SH3BP4: variants seen among roughly 807,000 people sequenced by gnomAD.
SH3BP4 encodes SH3 domain-binding protein 4.
Under a neutral mutation model 65.5 loss-of-function variants are expected in SH3BP4, and 33 were observed. That is an observed-to-expected ratio of 0.50 (90% CI 0.38 to 0.67). The LOEUF (loss-of-function observed/expected upper bound fraction) is 0.67, where lower values mean the gene tolerates loss of function less well. Among genes scored for constraint, SH3BP4 ranks in the 30% least tolerant of loss-of-function variants. The probability of loss-of-function intolerance (pLI) is 0.00; values close to 1 mark genes in which losing one functional copy is unlikely to be tolerated. For missense variants in SH3BP4, 1,134 were observed against 1,261.4 expected (o/e 0.90, Z 1.53); for synonymous variants, 552 against 545.5 (o/e 1.01, Z -0.17).
intron 2 of SH3BP4, among the ~76,000 whole-genome samples, chr2:235,022,544 TA>T (rs1694876375): frequency 6.6e-6 from 1 of 152,080 alleles, no homozygotes; most frequent in African/African-American, 2.4e-5. Context: ...TAGTAGTTGA[TA>T]CTTGAACTAT....
intron 2 of SH3BP4, among the ~76,000 whole-genome samples, chr2:235,010,984 C>G (rs1279171130): frequency 6.7e-6 from 1 of 148,644 alleles, no homozygotes; most frequent in South Asian, 2.2e-4. Flanking sequence ...TAGGAGAACC[C>G]TTCCTGTCTC....
intron 2 of SH3BP4, among the ~76,000 whole-genome samples, chr2:235,004,944 C>T (rs1368946053): frequency 2.6e-5 from 4 of 152,168 alleles, no homozygotes; most frequent in African/African-American, 9.7e-5. Flanking sequence ...CATGCCTATC[C>T]CCAGGATTTT....
intron 2 of SH3BP4, among the ~76,000 whole-genome samples, chr2:235,002,858 A>G (rs1309193505): frequency 6.6e-6 from 1 of 152,244 alleles, no homozygotes; most frequent in East Asian, 1.9e-4. Flanking sequence ...GGAAGGCCAC[A>G]CAAGATTCTA....
At chr2:234,972,004 A>G (rs533591533) in intron 1 of SH3BP4, among the ~76,000 whole-genome samples, 1 of 151,188 alleles carries the variant, frequency 6.6e-6, no homozygotes, top group Non-Finnish European at 1.5e-5. Flanking sequence ...TTTAGTAGAG[A>G]CGGGGTTTCA....
At chr2:234,953,055 G>C (rs1384141521) in intron 1 of SH3BP4, 1 of 152,272 alleles carries the variant, frequency 6.6e-6, no homozygotes, top group African/African-American at 2.4e-5. Flanking sequence ...GCAGAGGGTC[G>C]TGGAGCCTGA....
intron 4 of SH3BP4, among the ~76,000 whole-genome samples, chr2:235,049,165 C>T (rs1207661710): frequency 3.3e-5 from 5 of 152,196 alleles, no homozygotes; most frequent in Non-Finnish European, 7.3e-5. Flanking sequence ...CTCCTTTCAT[C>T]TGGGATCCAT....
At chr2:235,000,936 C>G (rs1332645082) in intron 2 of SH3BP4, among the ~76,000 whole-genome samples, 1 of 152,236 alleles carries the variant, frequency 6.6e-6, no homozygotes, top group Non-Finnish European at 1.5e-5. Flanking sequence ...CTTTCCTTCC[C>G]CCAGGCAGCT....
intron 1 of SH3BP4, among the ~76,000 whole-genome samples, chr2:234,988,251 G>A (rs1020984848): frequency 1.6e-4 from 24 of 152,072 alleles, no homozygotes; most frequent in Non-Finnish European, 1.2e-4. Context: ...AGTAGAGACA[G>A]GGTTTCACCG....
Position 235,053,256 on chromosome 2 carries a change from C to T in SH3BP4, c.2668-336C>T, listed in dbSNP as rs371741624. 2.6e-5 allele frequency among the ~76,000 whole-genome samples: 4 copies of T among 152,260 alleles called. No individual in the cohort carries two copies. The East Asian group carries it at 7.7e-4, about 29-fold the overall frequency. On this transcript the variant is annotated intron_variant, in intron 5 of 5. Transcript: ENST00000392011. Reference sequence around the variant, plus strand: ...GCAAGATCCAGGAAGCAGGAAGTCCCAAGGACAAAGCTGTCTTTTATGAAT... The same window carrying T: ...GCAAGATCCAGGAAGCAGGAAGTCCTAAGGACAAAGCTGTCTTTTATGAAT...
In SH3BP4 at chr2:235,041,997, A is replaced by G. The variant is rs780057173; in HGVS notation, c.1228A>G (p.Thr410Ala). ...EIKNDLFSKS[T>A]VGLQCLRSDS... ...AAAAAATGACCTTTTTAGCAAAAGC[A>G]CAGTGGGCCTCCAGTGCCTGAGGAG... Residue 410 changes from threonine to alanine, a missense_variant, in exon 4 of 6, where the codon ACA (threonine) becomes GCA (alanine). By Grantham distance (58) the Thr-to-Ala change is moderately conservative. Coordinates refer to ENST00000392011, the MANE Select transcript of SH3BP4 (RefSeq NM_014521.3). The surrounding 1 kb of genome is among the most constrained non-coding windows in gnomAD (Gnocchi z 6.0). 2 of 1,613,840 alleles carry G rather than the reference A, an allele frequency of 1.2e-6. No individual in the cohort carries two copies. Among genetic ancestry groups the G allele is most frequent in the Non-Finnish European group, 1.7e-6 (2 of 1,179,808 alleles).
Position 235,042,608 on chromosome 2 carries a change from T to G in SH3BP4, c.1839T>G (p.Pro613=). The stretch of plus-strand genomic sequence containing the variant: ...GTGTCCAGACTCCTCAGCCACCCCC[T>G]AAAAGTGCCATCAAGCCTTCCGGGC... ...QFCVQTPQPP[P]KSAIKPSGQR... The change falls in exon 4 of 6, where the codon CCT becomes CCG. Residue 613 remains proline (P), a synonymous_variant. Transcript: ENST00000392011. This position sits in a 1 kb window ranked among gnomAD's most constrained non-coding sequence, Gnocchi z 7.3. The G allele has an allele frequency of 6.2e-7, 1 of 1,613,968 alleles. No individual in the cohort carries two copies. Among genetic ancestry groups the G allele is most frequent in the Non-Finnish European group, 8.5e-7 (1 of 1,179,992 alleles).
At position 235,026,933 on chromosome 2, in the gene SH3BP4, T is replaced by C. The variant is rs770282094; in HGVS notation, c.-132-7938T>C. Among the ~76,000 whole-genome samples, 2 of 152,208 alleles carry C rather than the reference T, an allele frequency of 1.3e-5. No homozygotes were observed. The highest frequency in any genetic ancestry group is 2.9e-5 in the Non-Finnish European group (2 of 68,036). ...CAGCCCGCCCGAGCCCCAGGCAGCA[T>C]GTTCCTCCTGTGCCCTGGGTGCATT... On this transcript the variant is annotated intron_variant, in intron 2 of 5. Coordinates refer to ENST00000392011, the MANE Select transcript of SH3BP4 (RefSeq NM_014521.3). This position sits in a 1 kb window ranked among gnomAD's most constrained non-coding sequence, Gnocchi z 4.6.
At chr2:234,973,246 C>G (rs577563796) in intron 1 of SH3BP4, among the ~76,000 whole-genome samples, 2 of 152,290 alleles carry the variant, frequency 1.3e-5, no homozygotes, top group South Asian at 4.2e-4. Flanking sequence ...ACACACCATC[C>G]ACCTGTGAGC....
chr2:235,051,098 T>C (rs1299156497), intron 4 of SH3BP4, among the ~76,000 whole-genome samples: 5 of 152,194 alleles, frequency 3.3e-5, no homozygotes, highest in Non-Finnish European at 7.3e-5. Flanking sequence ...GTGCCTTCTA[T>C]GGCAGAGGAG....
At chr2:234,999,138 G>A (rs948669331) in intron 2 of SH3BP4, among the ~76,000 whole-genome samples, 1 of 152,214 alleles carries the variant, frequency 6.6e-6, no homozygotes, top group Non-Finnish European at 1.5e-5. Context: ...GAATCTGGAC[G>A]GAGGAGAAAG....
intron 4 of SH3BP4, among the ~76,000 whole-genome samples, chr2:235,044,457 T>G (rs1189211030): frequency 6.6e-6 from 1 of 152,006 alleles, no homozygotes; most frequent in Non-Finnish European, 1.5e-5. Context: ...TGGTGGAGAG[T>G]CCCTGTGGAC....
At chr2:234,998,090 T>C (rs1029938049) in intron 2 of SH3BP4, among the ~76,000 whole-genome samples, 1 of 151,826 alleles carries the variant, frequency 6.6e-6, no homozygotes, top group African/African-American at 2.4e-5. Flanking sequence ...ACCACTGCAC[T>C]CCAGCCTGGG....
At chr2:234,999,556 C>T (rs999780324) in intron 2 of SH3BP4, among the ~76,000 whole-genome samples, 1 of 152,138 alleles carries the variant, frequency 6.6e-6, no homozygotes, top group African/African-American at 2.4e-5. Context: ...AGAAAAATAC[C>T]TATGCAAAGA....
chr2:235,041,410 G>A lies in SH3BP4; in HGVS notation c.641G>A (p.Gly214Asp). 1 of 1,614,160 alleles carries A rather than the reference G, an allele frequency of 6.2e-7. No homozygotes were observed. Among genetic ancestry groups the A allele is most frequent in the Non-Finnish European group, 8.5e-7 (1 of 1,180,028 alleles). Residue 214 changes from glycine to aspartate, a missense_variant, in exon 4 of 6, where the codon GGC becomes GAC. By Grantham distance (94) the Gly-to-Asp change is moderately conservative. Transcript: ENST00000392011. This position sits in a 1 kb window ranked among gnomAD's most constrained non-coding sequence, Gnocchi z 6.0. ...AGCTCAGCCACCACGAATAGCACTG[G>A]CAACATCTTCGATGAGCTTCCAGTC... is the stretch of plus-strand genomic sequence containing the variant. ...ESSSATTNSTGNIFDELPVTN... is the reference protein window; with the variant it reads ...ESSSATTNSTDNIFDELPVTN...
Sources: allele counts gnomAD v4.1 joint callset (sites outside exome capture counted in the v4.1 genomes callset), GRCh38; gene constraint gnomAD v4.1.1; non-coding constraint Gnocchi (gnomAD v3.1); transcripts MANE v1.5; gene names NCBI Gene and HGNC (gene_info 2026-07-23, HGNC 2026-07-21).